Variants in TMEM267 observed in about 807,000 individuals in gnomAD.
TMEM267 encodes the protein transmembrane protein C5orf28.
Under a neutral mutation model 19.3 loss-of-function variants are expected in TMEM267, and 20 were observed. The ratio of observed to expected loss-of-function variants is 1.04; its 90% CI spans 0.73 to 1.51. The LOEUF (loss-of-function observed/expected upper bound fraction) is 1.51, where lower values mean the gene tolerates loss of function less well. Ranked by LOEUF, TMEM267 falls within the 40% of genes most tolerant of loss-of-function variation. TMEM267 has a pLI of 0.00. For synonymous variants in TMEM267, 88 were observed against 90.3 expected (o/e 0.97, Z 0.15); for missense variants, 242 against 261.9 (o/e 0.92, Z 0.52).
intron 1 of TMEM267, chr5:43,454,327 CAGCTGTGTGT>C (rs2112051829): frequency 1.0e-5 from 2 of 194,046 alleles, no homozygotes; most frequent in South Asian, 2.3e-4. Flanking sequence ...ATCTATCTCC[CAGCTGTGTGT>C]AGTACATGGT....
At chr5:43,448,355 G>C (rs890299476) in intron 2 of TMEM267, among the ~76,000 whole-genome samples, 8 of 151,920 alleles carry the variant, frequency 5.3e-5, no homozygotes, top group Admixed American at 5.2e-4. Context: ...GTTCATCATT[G>C]GTCCTTTTGC....
chr5:43,474,036 T>C (rs1294630907), intron 1 of TMEM267, among the ~76,000 whole-genome samples: 1 of 152,190 alleles, frequency 6.6e-6, no homozygotes, highest in African/African-American at 2.4e-5. Flanking sequence ...AGTTAATAAA[T>C]GGTGTTGGGA....
chr5:43,470,230 C>T (rs1743981910), intron 1 of TMEM267, among the ~76,000 whole-genome samples: 2 of 152,252 alleles, frequency 1.3e-5, no homozygotes, highest in South Asian at 4.1e-4. Flanking sequence ...GCAGCCTCCA[C>T]CTCCTAGGTT....
intron 2 of TMEM267, among the ~76,000 whole-genome samples, chr5:43,453,322 G>C (rs1339567741): frequency 6.6e-6 from 1 of 152,220 alleles, no homozygotes; most frequent in Non-Finnish European, 1.5e-5. Flanking sequence ...AACTAGGACA[G>C]CCTTGAGAAT....
At chr5:43,470,578 A>T (rs1048004538) in intron 1 of TMEM267, among the ~76,000 whole-genome samples, 1 of 152,334 alleles carries the variant, frequency 6.6e-6, no homozygotes, top group South Asian at 2.1e-4. Flanking sequence ...CTTAACCTTG[A>T]CAAAATAAAC....
chr5:43,454,317 A>C (rs1320020906), intron 1 of TMEM267: 1 of 199,094 alleles, frequency 5.0e-6, no homozygotes, highest in Admixed American at 5.4e-5. Flanking sequence ...CATCAAATAG[A>C]TCTATCTCCC....
At chr5:43,470,492 T>C (rs1744000412) in intron 1 of TMEM267, among the ~76,000 whole-genome samples, 1 of 152,170 alleles carries the variant, frequency 6.6e-6, no homozygotes, top group African/African-American at 2.4e-5. Flanking sequence ...TCCCAAAATG[T>C]ATAAAAGCAA....
chr5:43,482,793 A>C (rs1744867693), intron 1 of TMEM267, among the ~76,000 whole-genome samples: 1 of 152,202 alleles, frequency 6.6e-6, no homozygotes, highest in African/African-American at 2.4e-5. Flanking sequence ...CAGAGTATAC[A>C]TAACAGTACT....
At chr5:43,447,187 G>C (rs927571409) in intron 2 of TMEM267, among the ~76,000 whole-genome samples, 3 of 151,506 alleles carry the variant, frequency 2.0e-5, no homozygotes, top group African/African-American at 7.3e-5. Flanking sequence ...CTGCCTCTTG[G>C]GTTAAAATTC....
At chr5:43,472,812 C>A (rs766558422) in intron 1 of TMEM267, among the ~76,000 whole-genome samples, 247 of 62,620 alleles carry the variant, frequency 3.9e-3, no homozygotes, top group Non-Finnish European at 6.5e-3. Flanking sequence ...GGTGGGGGGT[C>A]AGCAGGGGGA....
At chr5:43,459,795 G>A (rs1162384257) in intron 1 of TMEM267, among the ~76,000 whole-genome samples, 1 of 152,116 alleles carries the variant, frequency 6.6e-6, no homozygotes, top group African/African-American at 2.4e-5. Flanking sequence ...TGAAGCAGTG[G>A]TCCCAGTCCT....
chr5:43,471,962 T>C (rs376848584), intron 1 of TMEM267, among the ~76,000 whole-genome samples: 4 of 151,980 alleles, frequency 2.6e-5, no homozygotes, highest in South Asian at 2.1e-4. Context: ...CAGGTTAAAA[T>C]GCTTCTGCAC....
rs746596063 is a variant in TMEM267 at position 43,446,511 on chromosome 5, A to G, written c.359T>C (p.Val120Ala). ...PRRPFLHCST[V>A]IPVVVLTLKF... ...CAGGGTCAGAACCACAACGGGAATC[A>G]CAGTAGAACAGTGAAGGAAAGGTCT... is the stretch of plus-strand genomic sequence containing the variant. The change falls in exon 3 of 3, where the codon GTG (valine) becomes GCG (alanine). Residue 120 changes from valine (V) to alanine (A), a missense_variant. By Grantham distance (64) the Val-to-Ala change is moderately conservative. Coordinates refer to ENST00000397080, the MANE Select transcript of TMEM267 (RefSeq NM_022483.5). The G allele has an allele frequency of 1.9e-6, 3 of 1,613,844 alleles. No homozygotes were observed. Among genetic ancestry groups the G allele is most frequent in the Admixed American group, 3.3e-5 (2 of 59,994 alleles).
chr5:43,457,141 G>C (rs942599013), intron 1 of TMEM267, among the ~76,000 whole-genome samples: 2 of 152,126 alleles, frequency 1.3e-5, no homozygotes, highest in African/African-American at 4.8e-5. Flanking sequence ...AGAACTGTGC[G>C]ACATAAAGGA....
chr5:43,465,476 G>A (rs1038179776), intron 1 of TMEM267, among the ~76,000 whole-genome samples: 6 of 152,162 alleles, frequency 3.9e-5, no homozygotes, highest in African/African-American at 1.2e-4. Context: ...TATACCCAAA[G>A]GATTATAAAT....
At chr5:43,459,643 C>T (rs1743141197) in intron 1 of TMEM267, among the ~76,000 whole-genome samples, 1 of 152,142 alleles carries the variant, frequency 6.6e-6, no homozygotes. Flanking sequence ...ATATTCACAT[C>T]ACAGTAAAGT....
intron 1 of TMEM267, among the ~76,000 whole-genome samples, chr5:43,481,300 T>C (rs1434309962): frequency 2.0e-5 from 3 of 151,470 alleles, no homozygotes; most frequent in Non-Finnish European, 4.4e-5. Context: ...TGGGGTCTCA[T>C]TGTGTTGCCC....
rs1176624174 is a variant in TMEM267 at position 43,462,700 on chromosome 5, T to C, written c.-74-8657A>G. On this transcript the variant is annotated intron_variant, in intron 1 of 2. Coordinates refer to ENST00000397080, the MANE Select transcript of TMEM267 (RefSeq NM_022483.5). ...AAAACTGATCAAGCAGAAGAATTAG[T>C]GAGCTTGAAGCCAGGCTATTTGAAA... 1.3e-5 allele frequency among the ~76,000 whole-genome samples: 2 copies of C among 152,094 alleles called. 1 individual carries two copies. Among genetic ancestry groups the C allele is most frequent in the South Asian group, 4.1e-4 (2 of 4,824 alleles).
chr5:43,482,949 T>C (rs1308581867), intron 1 of TMEM267, among the ~76,000 whole-genome samples: 1 of 152,232 alleles, frequency 6.6e-6, no homozygotes, highest in Non-Finnish European at 1.5e-5. Context: ...GTGTCATCTG[T>C]TTTAACTTTC....
Sources: allele counts gnomAD v4.1 joint callset (sites outside exome capture counted in the v4.1 genomes callset), GRCh38; gene constraint gnomAD v4.1.1; transcripts MANE v1.5; gene names NCBI Gene and HGNC (gene_info 2026-07-23, HGNC 2026-07-21).